Variants in RANBP2 observed in about 807,000 individuals in gnomAD.
RANBP2 encodes E3 SUMO-protein ligase RanBP2.
Under a neutral mutation model 303.6 loss-of-function variants are expected in RANBP2, and 57 were observed. The ratio of observed to expected loss-of-function variants is 0.19; its 90% CI spans 0.15 to 0.23. RANBP2 has a LOEUF of 0.23. Among genes scored for constraint, RANBP2 ranks in the 10% least tolerant of loss-of-function variants. The pLI, the probability that RANBP2 is intolerant of heterozygous loss-of-function variation, is 1.00. For synonymous variants in RANBP2, 1,167 were observed against 1,301.5 expected (o/e 0.90, Z 2.23); for missense variants, 3,138 against 3,780.8 (o/e 0.83, Z 4.46).
At chr2:108,991,779 A>G in the RANBP2 span, among the ~76,000 whole-genome samples, 1 of 152,198 alleles carries the variant, frequency 6.6e-6, no homozygotes, top group African/African-American at 2.4e-5. Flanking sequence ...ACAGAGCCAT[A>G]TTCTGGTCAT....
the RANBP2 span, among the ~76,000 whole-genome samples, chr2:109,635,813 T>C: frequency 1.3e-5 from 2 of 152,242 alleles, no homozygotes; most frequent in Admixed American, 1.3e-4. Flanking sequence ...CAAACATGAA[T>C]AAGATATGCT....
the RANBP2 span, among the ~76,000 whole-genome samples, chr2:109,477,566 G>A: frequency 6.6e-6 from 1 of 152,184 alleles, no homozygotes; most frequent in Non-Finnish European, 1.5e-5. Context: ...TGGGGTCACA[G>A]CGCCTGTTGT....
the RANBP2 span, among the ~76,000 whole-genome samples, chr2:109,549,283 T>C: frequency 5.3e-5 from 8 of 152,218 alleles, no homozygotes; most frequent in Non-Finnish European, 8.8e-5. Flanking sequence ...GATAGCTCTC[T>C]GGTTACTCAA....
the RANBP2 span, among the ~76,000 whole-genome samples, chr2:109,049,947 T>A: frequency 6.6e-6 from 1 of 152,198 alleles, no homozygotes; most frequent in Non-Finnish European, 1.5e-5. Flanking sequence ...CTGGGTTCTG[T>A]CAGCTGCTGG....
chr2:109,341,462 T>A, the RANBP2 span, among the ~76,000 whole-genome samples: 5 of 152,232 alleles, frequency 3.3e-5, no homozygotes, highest in African/African-American at 4.8e-5. Flanking sequence ...TCAACAGTGC[T>A]ATGAAAGTCA....
At chr2:109,193,457 C>T in the RANBP2 span, among the ~76,000 whole-genome samples, 4 of 152,352 alleles carry the variant, frequency 2.6e-5, no homozygotes, top group Non-Finnish European at 1.5e-5. Context: ...CTCTGGGCAA[C>T]TCTGTGGGTC....
At chr2:109,192,428 A>G in the RANBP2 span, among the ~76,000 whole-genome samples, 2 of 152,214 alleles carry the variant, frequency 1.3e-5, no homozygotes, top group Non-Finnish European at 2.9e-5. Flanking sequence ...TTAACTTCCC[A>G]ATTATTAAGA....
chr2:109,470,593 G>A, the RANBP2 span, among the ~76,000 whole-genome samples: 1 of 152,216 alleles, frequency 6.6e-6, no homozygotes. Context: ...AAGGCAGTCT[G>A]GAGGAGGACA....
At chr2:108,815,940 G>A in the RANBP2 span, 2 of 1,601,844 alleles carry the variant, frequency 1.2e-6, no homozygotes, top group Non-Finnish European at 1.7e-6. Flanking sequence ...TTGACATATA[G>A]GTACCACTTA....
At chr2:109,201,070 C>T in the RANBP2 span, among the ~76,000 whole-genome samples, 3 of 152,134 alleles carry the variant, frequency 2.0e-5, no homozygotes, top group South Asian at 2.1e-4. Context: ...CTGAAGCAGC[C>T]GTGCTCAGGG....
At chr2:108,793,362 AC>A in the RANBP2 span, among the ~76,000 whole-genome samples, 1 of 152,018 alleles carries the variant, frequency 6.6e-6, no homozygotes, top group Non-Finnish European at 1.5e-5. Flanking sequence ...CAACAAAAAA[AC>A]ACTGACCGAG....
At chr2:109,628,663 C>T in the RANBP2 span, among the ~76,000 whole-genome samples, 2 of 152,098 alleles carry the variant, frequency 1.3e-5, no homozygotes, top group Admixed American at 6.6e-5. Flanking sequence ...CTAACCTCGT[C>T]CTCTTTTTCT....
the RANBP2 span, chr2:109,613,988 A>T: frequency 9.3e-7 from 1 of 1,078,580 alleles, no homozygotes; most frequent in Non-Finnish European, 1.1e-6. Context: ...GCCGAGCTGG[A>T]GGCCTCCGGG....
the RANBP2 span, among the ~76,000 whole-genome samples, chr2:108,984,575 G>A: frequency 6.6e-6 from 1 of 152,082 alleles, no homozygotes; most frequent in Non-Finnish European, 1.5e-5. Flanking sequence ...TTTCTTGCGG[G>A]TGTCCTGGTT....
At chr2:109,184,192 C>T in the RANBP2 span, among the ~76,000 whole-genome samples, 4 of 152,200 alleles carry the variant, frequency 2.6e-5, no homozygotes, top group Admixed American at 2.0e-4. Context: ...TCCATATCTC[C>T]TCCCAGGTGG....
chr2:109,570,736 C>G, the RANBP2 span, among the ~76,000 whole-genome samples: 1 of 152,086 alleles, frequency 6.6e-6, no homozygotes, highest in Non-Finnish European at 1.5e-5. Flanking sequence ...GTTGGCCAGG[C>G]TGGTCTTGAA....
downstream of RANBP2, chr2:108,788,840 T>G (rs573576552): frequency 1.2e-4 from 192 of 1,613,990 alleles, 1 homozygote; most frequent in South Asian, 2.0e-3. Context: ...ATGGTTTCTT[T>G]GTCGTTGACA....
the RANBP2 span, among the ~76,000 whole-genome samples, chr2:109,672,573 G>A: frequency 7.9e-5 from 12 of 152,110 alleles, no homozygotes; most frequent in Admixed American, 3.9e-4. Context: ...TTTATTCCTA[G>A]TGTTACGTAT....
At chr2:109,099,029 A>G in the RANBP2 span, among the ~76,000 whole-genome samples, 1 of 152,190 alleles carries the variant, frequency 6.6e-6, no homozygotes, top group Admixed American at 6.5e-5. Flanking sequence ...GCCACGCAGT[A>G]GGTTTGGAAG....
Sources: gnomAD v4.1 joint callset for allele counts (sites outside exome capture counted in the v4.1 genomes callset) on GRCh38, gnomAD v4.1.1 for gene constraint, MANE v1.5 for transcripts, NCBI Gene and HGNC (gene_info 2026-07-23, HGNC 2026-07-21) for gene names.